The following CTNNA3 variants were observed in gnomAD, a reference collection of about 807,000 sequenced individuals.
The protein encoded by CTNNA3 is catenin alpha 3.
Under a neutral mutation model 95.7 loss-of-function variants are expected in CTNNA3, and 76 were observed. The observed-to-expected ratio is 0.79, with a 90% CI of 0.66 to 0.96. The LOEUF is 0.96. Among genes scored for constraint, CTNNA3 ranks in the 40% least tolerant of loss-of-function variants. The probability of loss-of-function intolerance (pLI) is 0.00; values close to 1 mark genes in which losing one functional copy is unlikely to be tolerated. For synonymous variants in CTNNA3, 431 were observed against 374.4 expected (o/e 1.15, Z -1.74); for missense variants, 1,191 against 1,089.8 (o/e 1.09, Z -1.31).
At chr10:67,593,217 C>T (rs1012001777) in intron 3 of CTNNA3, among the ~76,000 whole-genome samples, 1 of 152,122 alleles carries the variant, frequency 6.6e-6, no homozygotes, top group Non-Finnish European at 1.5e-5. Context: ...TCCAATCCAC[C>T]ATTGATGGGC....
intron 6 of CTNNA3, among the ~76,000 whole-genome samples, chr10:67,207,961 A>G (rs1035720516): frequency 1.3e-5 from 2 of 152,204 alleles, no homozygotes; most frequent in Non-Finnish European, 2.9e-5. Context: ...TTAATCACCA[A>G]ACATTTGAGA....
At chr10:66,181,200 C>G (rs1328127509) in intron 13 of CTNNA3, among the ~76,000 whole-genome samples, 11 of 151,998 alleles carry the variant, frequency 7.2e-5, no homozygotes, top group Admixed American at 7.2e-4. Context: ...AGAAAGTAAC[C>G]GTTGTGTTAA....
rs570286333 is a variant in CTNNA3, at chr10:67,078,331, C to T, written c.1047+101986G>A. ...TGGCCAAGGTACAGTGTCAAAAGCC[C>T]TAAAGCACAATTGCTCTAAAGTTTA... On this transcript the variant is annotated intron_variant, in intron 7 of 17. Coordinates refer to ENST00000433211, the MANE Select transcript of CTNNA3 (RefSeq NM_013266.4). Among the ~76,000 whole-genome samples the T allele has an allele frequency of 5.3e-5, 8 of 152,152 alleles. No individual in the cohort carries two copies. In the East Asian group the frequency reaches 1.5e-3, roughly 29 times the overall value.
intron 11 of CTNNA3, among the ~76,000 whole-genome samples, chr10:66,472,877 A>G (rs1839185689): frequency 6.6e-6 from 1 of 152,000 alleles, no homozygotes; most frequent in South Asian, 2.1e-4. Flanking sequence ...TTTAAAGTCA[A>G]ACCAACTTCA....
intron 10 of CTNNA3, among the ~76,000 whole-genome samples, chr10:66,553,511 A>AATT (rs1285616683): frequency 1.0e-5 from 1 of 97,162 alleles, no homozygotes; most frequent in African/African-American, 4.0e-5. Flanking sequence ...GATGAACAAT[A>AATT]CTTTTCTTTT....
At chr10:67,671,153 G>A (rs1168994536) in intron 1 of CTNNA3, among the ~76,000 whole-genome samples, 1 of 152,106 alleles carries the variant, frequency 6.6e-6, no homozygotes. Context: ...GCATGTGAAA[G>A]AATTCTGGCC....
intron 3 of CTNNA3, among the ~76,000 whole-genome samples, chr10:67,563,738 A>G (rs562994958): frequency 3.7e-4 from 57 of 152,222 alleles, no homozygotes; most frequent in African/African-American, 1.3e-3. Flanking sequence ...TTTTCAATCT[A>G]CCCATCTGAC....
At chr10:67,632,851 T>C (rs1839190411) in intron 2 of CTNNA3, among the ~76,000 whole-genome samples, 1 of 151,890 alleles carries the variant, frequency 6.6e-6, no homozygotes, top group Non-Finnish European at 1.5e-5. Context: ...TATATATCCC[T>C]AGGAAGGGGG....
rs1168614371 is a variant in CTNNA3, at chr10:65,915,433, C to T, written c.*4897G>A. The T allele has an allele frequency of 2.0e-5, 3 of 152,252 alleles. No homozygotes were observed. In the East Asian group the frequency reaches 5.8e-4, roughly 29 times the overall value. 9.4% of individuals were successfully genotyped at this position (152,252 alleles called of 1,614,324 possible). ...AAAGCTAAATGCTTCTGCAACTACC[C>T]CTCTCAGACCCTTCCCTACCTCTGG... is the stretch of plus-strand genomic sequence containing the variant. On this transcript the variant is annotated 3_prime_UTR_variant, in exon 18 of 18. Transcript: ENST00000433211.
intron 1 of CTNNA3, among the ~76,000 whole-genome samples, chr10:67,662,799 G>A (rs1487918718): frequency 6.6e-6 from 1 of 151,968 alleles, no homozygotes; most frequent in Non-Finnish European, 1.5e-5. Flanking sequence ...AACTGTATAT[G>A]GTTGTCAGAA....
chr10:66,984,264 C>G (rs914729604), intron 7 of CTNNA3, among the ~76,000 whole-genome samples: 1 of 152,082 alleles, frequency 6.6e-6, no homozygotes, highest in South Asian at 2.1e-4. Context: ...GATTGAGAAC[C>G]AGAAATCCAG....
intron 9 of CTNNA3, among the ~76,000 whole-genome samples, chr10:66,762,155 C>G (rs1839624769): frequency 6.6e-6 from 1 of 152,022 alleles, no homozygotes; most frequent in African/African-American, 2.4e-5. Flanking sequence ...TTTTTATCTT[C>G]CTGTTCAATA....
intron 2 of CTNNA3, among the ~76,000 whole-genome samples, chr10:67,628,818 A>G (rs1410934736): frequency 6.6e-6 from 1 of 152,084 alleles, no homozygotes; most frequent in East Asian, 1.9e-4. Flanking sequence ...AACCATGGCC[A>G]TTTTAAGTCC....
chr10:67,637,152 C>T (rs187404798), intron 2 of CTNNA3, among the ~76,000 whole-genome samples: 18 of 152,188 alleles, frequency 1.2e-4, no homozygotes, highest in East Asian at 1.2e-3. Context: ...GAATACCCAA[C>T]GCAGAGAAGT....
chr10:67,337,893 T>C (rs1189602742), intron 5 of CTNNA3, among the ~76,000 whole-genome samples: 1 of 152,250 alleles, frequency 6.6e-6, no homozygotes, highest in East Asian at 1.9e-4. Flanking sequence ...CAGTATAGTA[T>C]AAACATAACT....
At chr10:67,203,447 T>A (rs1230353656) in intron 6 of CTNNA3, among the ~76,000 whole-genome samples, 4 of 152,168 alleles carry the variant, frequency 2.6e-5, no homozygotes, top group Non-Finnish European at 1.5e-5. Context: ...CTCAGGTATG[T>A]CTTTATTAAC....
intron 11 of CTNNA3, among the ~76,000 whole-genome samples, chr10:66,493,804 A>G (rs995244133): frequency 2.4e-4 from 35 of 146,786 alleles, no homozygotes; most frequent in African/African-American, 8.9e-4. Flanking sequence ...ACGGGGTTTC[A>G]CCGTGTTAGC....
At chr10:66,475,753 A>C (rs1839302968) in intron 11 of CTNNA3, among the ~76,000 whole-genome samples, 1 of 152,124 alleles carries the variant, frequency 6.6e-6, no homozygotes, top group Admixed American at 6.6e-5. Context: ...TAATGCTTTT[A>C]CACAGTTGAT....
intron 12 of CTNNA3, among the ~76,000 whole-genome samples, chr10:66,294,532 T>C (rs913847698): frequency 3.9e-5 from 6 of 152,090 alleles, no homozygotes; most frequent in African/African-American, 1.4e-4. Flanking sequence ...TTGTATAAAA[T>C]AGAAAAGCTG....
Sources: gnomAD v4.1 joint callset for allele counts (sites outside exome capture counted in the v4.1 genomes callset) on GRCh38, gnomAD v4.1.1 for gene constraint, MANE v1.5 for transcripts, NCBI Gene and HGNC (gene_info 2026-07-23, HGNC 2026-07-21) for gene names.